LANCL2: variants seen among roughly 807,000 people sequenced by gnomAD.
The protein encoded by LANCL2 is LanC like glutathione S-transferase 2, also known as lanC-like protein 2.
In LANCL2, 33 loss-of-function variants were observed where a neutral mutation model predicts 56.9. That is an observed-to-expected ratio of 0.58 (90% CI 0.44 to 0.78). LANCL2 has a LOEUF of 0.78. Ranked by LOEUF, LANCL2 falls within the 30% of genes least tolerant of loss-of-function variation. LANCL2 has a pLI of 0.00. For missense variants in LANCL2, 562 were observed against 580.2 expected, an observed-to-expected ratio of 0.97 and a Z score of 0.32; for synonymous variants, 233 against 228.2, an observed-to-expected ratio of 1.02 and a Z score of -0.19.
intron 1 of LANCL2, among the ~76,000 whole-genome samples, chr7:55,370,934 T>C (rs1789937315): frequency 6.6e-6 from 1 of 152,220 alleles, no homozygotes; most frequent in Non-Finnish European, 1.5e-5. Flanking sequence ...TACCACATGG[T>C]GTTATGTGAT....
At chr7:55,385,408 T>C (rs535659660) in intron 1 of LANCL2, among the ~76,000 whole-genome samples, 1 of 152,236 alleles carries the variant, frequency 6.6e-6, no homozygotes, top group African/African-American at 2.4e-5. Flanking sequence ...ATCATGTAGG[T>C]TCTTTTCTAT....
At position 55,365,916 on chromosome 7, in the gene LANCL2, C is replaced by T. The variant is rs1789854927; in HGVS notation, c.-110C>T. ...CCTCCCGCCAGCGCGCGGCCTCGCT[C>T]CTCCTAGAGGACGCTCTCTGCGCGG... On this transcript the variant is annotated 5_prime_UTR_variant, in exon 1 of 9. Coordinates refer to ENST00000254770, the MANE Select transcript of LANCL2 (RefSeq NM_018697.4). 4 of 847,594 alleles carry T rather than the reference C, an allele frequency of 4.7e-6. No individual in the cohort carries two copies. Among genetic ancestry groups the T allele is most frequent in the African/African-American group, 1.8e-5 (1 of 55,260 alleles). The allele number at this position is 847,594 out of a possible 1,614,324, so 52.5% of individuals were successfully genotyped here.
At chr7:55,406,677 C>T (rs1009429759) in intron 5 of LANCL2, among the ~76,000 whole-genome samples, 3 of 152,088 alleles carry the variant, frequency 2.0e-5, no homozygotes, top group Non-Finnish European at 2.9e-5. Context: ...TGGAGGGTGT[C>T]GTTGGAAGGC....
At chr7:55,381,540 G>C (rs978845848) in intron 1 of LANCL2, among the ~76,000 whole-genome samples, 1 of 152,188 alleles carries the variant, frequency 6.6e-6, no homozygotes, top group Non-Finnish European at 1.5e-5. Flanking sequence ...ATACAAGCAA[G>C]AAAACAGTGT....
At chr7:55,409,378 C>T (rs2691851) in intron 5 of LANCL2, among the ~76,000 whole-genome samples, 11,174 of 152,190 alleles carry the variant, frequency 0.073, 1,347 homozygotes, top group African/African-American at 0.25. Context: ...CGTGAGCCAC[C>T]GTGCCCGGCC....
intron 4 of LANCL2, 59 bp from the exon 5 acceptor site, chr7:55,401,115 T>G: frequency 6.9e-7 from 1 of 1,454,960 alleles, no homozygotes; most frequent in Non-Finnish European, 9.6e-7. Context: ...TACTGTTAAT[T>G]AGACTACAAC....
At chr7:55,410,662 T>G (rs1219188631) in intron 5 of LANCL2, among the ~76,000 whole-genome samples, 1 of 152,230 alleles carries the variant, frequency 6.6e-6, no homozygotes, top group Non-Finnish European at 1.5e-5. Flanking sequence ...TTTAGCAATA[T>G]GCGGATTTAT....
At chr7:55,369,751 AT>A in intron 1 of LANCL2, among the ~76,000 whole-genome samples, 1 of 152,212 alleles carries the variant, frequency 6.6e-6, no homozygotes, top group East Asian at 1.9e-4. Context: ...GATGGGTACC[AT>A]GCAGAGTTTA....
intron 7 of LANCL2, among the ~76,000 whole-genome samples, chr7:55,427,356 A>T (rs1041714806): frequency 6.6e-6 from 1 of 152,220 alleles, no homozygotes; most frequent in African/African-American, 2.4e-5. Context: ...AGGGTTTGGA[A>T]TCCATATTCA....
rs371520958 is a variant in LANCL2, at chr7:55,403,835, G to T, written c.825+2515G>T. On this transcript the variant is annotated intron_variant, in intron 5 of 8. Coordinates refer to ENST00000254770, the MANE Select transcript of LANCL2 (RefSeq NM_018697.4). ...TCCGCCCACGTCAGCCTCCCAAAAT[G>T]CTAGGATTATAGGCATGAGCCACCG... Among the ~76,000 whole-genome samples the T allele has an allele frequency of 6.6e-5, 10 of 152,180 alleles. No homozygotes were observed. In the East Asian group the frequency reaches 1.2e-3, roughly 18 times the overall value.
chr7:55,403,758 G>A (rs1790372433), intron 5 of LANCL2, among the ~76,000 whole-genome samples: 2 of 151,848 alleles, frequency 1.3e-5, no homozygotes, highest in South Asian at 4.2e-4. Context: ...TTTTAGTAGA[G>A]ACGGGGTTTC....
chr7:55,400,125 C>A, intron 4 of LANCL2, 21 bp downstream of exon 4: 1 of 1,547,552 alleles, frequency 6.5e-7, no homozygotes, highest in Non-Finnish European at 8.8e-7. Flanking sequence ...GTATGGGTAA[C>A]TATGGGCGTC....
intron 1 of LANCL2, among the ~76,000 whole-genome samples, chr7:55,380,783 G>A (rs1202470322): frequency 1.3e-5 from 2 of 148,384 alleles, no homozygotes; most frequent in African/African-American, 2.5e-5. Flanking sequence ...GGGAGGTTCT[G>A]TAGAGCGTGT....
chr7:55,407,303 C>T (rs1790419259), intron 5 of LANCL2, among the ~76,000 whole-genome samples: 1 of 152,150 alleles, frequency 6.6e-6, no homozygotes, highest in Non-Finnish European at 1.5e-5. Flanking sequence ...TCTCTGTCAC[C>T]GCCAGCCTCA....
rs775255624 is a variant in LANCL2, at chr7:55,431,223, C to T, written c.1259-3C>T. The T allele has an allele frequency of 2.5e-6, 4 of 1,606,626 alleles. No homozygotes were observed. The East Asian group carries it at 6.7e-5, about 27-fold the overall frequency. On this transcript the variant is annotated splice_polypyrimidine_tract_variant and splice_region_variant and intron_variant, in intron 8 of 8. Coordinates refer to ENST00000254770, the MANE Select transcript of LANCL2 (RefSeq NM_018697.4). ...CTAAGAGGCTCCTCATTTTACATTG[C>T]AGGCATGGCTGGCGCTATTCACTTT...
Position 55,388,075 on chromosome 7 carries a change from T to G in LANCL2, c.205-3718T>G, listed in dbSNP as rs547616892. The stretch of plus-strand genomic sequence containing the variant: ...AACTCTACATTGTAGGTTAACCATT[T>G]GAGCTCTGAATTTCTCTTGTAGCTT... On this transcript the variant is annotated intron_variant, in intron 1 of 8. Transcript: ENST00000254770. 2.9e-3 allele frequency among the ~76,000 whole-genome samples: 440 copies of G among 152,302 alleles called. 4 individuals are homozygous for G. The highest frequency in any genetic ancestry group is 0.014 in the Middle Eastern group (4 of 294).
Position 55,412,032 on chromosome 7 carries a change from G to A in LANCL2, c.951G>A (p.Leu317=). Residue 317 remains leucine, a synonymous_variant, in exon 6 of 9, where the codon CTG becomes CTA. Coordinates refer to ENST00000254770, the MANE Select transcript of LANCL2 (RefSeq NM_018697.4). ...CATTAAGCAATGAAACAGACCGGCT[G>A]GTGCACTGGTGCCACGGCGCCCCGG... ...PSSLSNETDR[L]VHWCHGAPGV... 1 of 1,614,160 alleles carries A rather than the reference G, an allele frequency of 6.2e-7. No individual in the cohort carries two copies. The highest frequency in any genetic ancestry group is 8.5e-7 in the Non-Finnish European group (1 of 1,179,998).
intron 6 of LANCL2, among the ~76,000 whole-genome samples, chr7:55,413,967 A>G (rs1381322548): frequency 1.3e-5 from 2 of 152,254 alleles, no homozygotes; most frequent in Non-Finnish European, 1.5e-5. Context: ...CCCAGCATAA[A>G]TAAATGATAA....
In LANCL2 at chr7:55,381,988, C is replaced by T. The variant is rs1790074283; in HGVS notation, c.205-9805C>T. ...TCGCTGGTTGGGAGGGAAGGAGGGA[C>T]ACCGTTTTTAAGTCCTGCTTTTAGG... On this transcript the variant is annotated intron_variant, in intron 1 of 8. Coordinates refer to ENST00000254770, the MANE Select transcript of LANCL2 (RefSeq NM_018697.4). Among the ~76,000 whole-genome samples the T allele has an allele frequency of 2.0e-5, 3 of 152,182 alleles. No homozygotes were observed. The South Asian group carries it at 6.2e-4, about 32-fold the overall frequency.
Sources: gnomAD v4.1 joint callset for allele counts (sites outside exome capture counted in the v4.1 genomes callset) on GRCh38, gnomAD v4.1.1 for gene constraint, MANE v1.5 for transcripts, NCBI Gene and HGNC (gene_info 2026-07-23, HGNC 2026-07-21) for gene names.